IFIT1: variants seen among roughly 807,000 people sequenced by gnomAD.
IFIT1 encodes interferon induced protein with tetratricopeptide repeats 1.
Under a neutral mutation model 2.5 loss-of-function variants are expected in IFIT1, and 1 was observed. That is an observed-to-expected ratio of 0.40 (90% confidence interval 0.14 to 1.92). The LOEUF is 1.92. Among genes scored for constraint, IFIT1 ranks in the 40% most tolerant of loss-of-function variants. The pLI, the probability that IFIT1 is intolerant of heterozygous loss-of-function variation, is 0.31. For missense variants in IFIT1, 508 were observed against 557.8 expected (o/e 0.91, Z 0.90); for synonymous variants, 191 against 201.7 (o/e 0.95, Z 0.45).
chr10:89,405,775 A>G lies in IFIT1; in HGVS notation c.*2063A>G, dbSNP rs1564813063. 1 of 152,242 alleles carries G rather than the reference A, an allele frequency of 6.6e-6. No individual in the cohort carries two copies. Among genetic ancestry groups the G allele is most frequent in the Admixed American group, 6.5e-5 (1 of 15,284 alleles). The allele number at this position is 152,242 out of a possible 1,614,324, so 9.4% of individuals were successfully genotyped here. Reference sequence around the variant, plus strand: ...CTAAGGACGCACCAGGTCCACCTGCATAATCCAGAATAATTGCCCCATCCG... The same window carrying G: ...CTAAGGACGCACCAGGTCCACCTGCGTAATCCAGAATAATTGCCCCATCCG... On this transcript the variant is annotated 3_prime_UTR_variant, in exon 2 of 2. Coordinates refer to ENST00000371804, the MANE Select transcript of IFIT1 (RefSeq NM_001548.5).
chr10:89,396,939 T>G (rs578006136), intron 1 of IFIT1, among the ~76,000 whole-genome samples: 1 of 152,350 alleles, frequency 6.6e-6, no homozygotes, highest in African/African-American at 2.4e-5. Flanking sequence ...ATCTTTTTGT[T>G]GATGAGCTGT....
At position 89,404,026 on chromosome 10, in the gene IFIT1, A is replaced by G; in HGVS notation, c.*314A>G. The stretch of plus-strand genomic sequence containing the variant: ...TCATTTTATTGTGAAATAAAAATAA[A>G]ATCCTTAGCTCCTCCACCAACTGAA... On this transcript the variant is annotated 3_prime_UTR_variant, in exon 2 of 2. Transcript: ENST00000371804. 1 of 205,392 alleles carries G rather than the reference A, an allele frequency of 4.9e-6. No individual in the cohort carries two copies. Among genetic ancestry groups the G allele is most frequent in the South Asian group, 1.4e-4 (1 of 7,048 alleles). The allele number at this position is 205,392 out of a possible 1,614,324, so 12.7% of individuals were successfully genotyped here.
In IFIT1 at chr10:89,403,721, A is replaced by G; in HGVS notation, c.*9A>G. On this transcript the variant is annotated 3_prime_UTR_variant, in exon 2 of 2. Transcript: ENST00000371804. The stretch of plus-strand genomic sequence containing the variant: ...TGAGACAAGGTCCTTAGGCACCCAG[A>G]TATCAGCCACTTTCACATTTCATTT... The G allele has an allele frequency of 7.0e-7, 1 of 1,431,068 alleles. No individual in the cohort carries two copies. The highest frequency in any genetic ancestry group is 9.6e-7 in the Non-Finnish European group (1 of 1,044,946). The allele number at this position is 1,431,068 out of a possible 1,614,324, so 88.6% of individuals were successfully genotyped here.
At position 89,402,298 on chromosome 10, in the gene IFIT1, A is replaced by T. The variant is rs1162893593; in HGVS notation, c.23A>T (p.His8Leu). 7 of 1,609,930 alleles carry T rather than the reference A, an allele frequency of 4.3e-6. No individual in the cohort carries two copies. In the East Asian group the frequency reaches 1.6e-4, roughly 36 times the overall value. Residue 8 changes from histidine (H) to leucine (L), a missense_variant, in exon 2 of 2, where the codon CAT (histidine) becomes CTT (leucine). His to Leu is a moderately conservative substitution (Grantham distance 99). Coordinates refer to ENST00000371804, the MANE Select transcript of IFIT1 (RefSeq NM_001548.5). MSTNGDD[H>L]QVKDSLEQLR... ...TTTTACAGTACAAATGGTGATGATC[A>T]TCAGGTCAAGGATAGTCTGGAGCAA...
At chr10:89,394,596 A>ATTT (rs1277183612) in intron 1 of IFIT1, among the ~76,000 whole-genome samples, 3 of 15,496 alleles carry the variant, frequency 1.9e-4, no homozygotes, top group African/African-American at 1.2e-3. Flanking sequence ...ATATATATAT[A>ATTT]TATATATATA....
rs1844446204 is a variant in IFIT1 at position 89,402,550 on chromosome 10, T to A, written c.275T>A (p.Val92Glu). 1 of 1,613,952 alleles carries A rather than the reference T, an allele frequency of 6.2e-7. No individual in the cohort carries two copies. Among genetic ancestry groups the A allele is most frequent in the Non-Finnish European group, 8.5e-7 (1 of 1,179,954 alleles). ...MQEEHDNQANVRSLVTWGNFA... is the reference protein window; with the variant it reads ...MQEEHDNQANERSLVTWGNFA... ...GAAGAACATGACAACCAAGCAAATG[T>A]GAGGAGTCTGGTGACCTGGGGCAAC... The change falls in exon 2 of 2, where the codon GTG (valine) becomes GAG (glutamate). Residue 92 changes from valine (V) to glutamate (E), a missense_variant. Transcript: ENST00000371804.
chr10:89,400,576 T>C (rs1205503889), intron 1 of IFIT1, among the ~76,000 whole-genome samples: 2 of 152,212 alleles, frequency 1.3e-5, no homozygotes, highest in Non-Finnish European at 2.9e-5. Context: ...TTTTGGGATT[T>C]TTAAATTGTT....
chr10:89,404,143 TC>T lies in IFIT1; in HGVS notation c.*434del, dbSNP rs1335150810. ...AGAGATCATTCACACCTCATTATAT[TC>T]CCTCCCTTGCTAACTGCCATTGGAC... On this transcript the variant is annotated 3_prime_UTR_variant, in exon 2 of 2. Transcript: ENST00000371804. 1 of 153,470 alleles carries T rather than the reference TC, an allele frequency of 6.5e-6. No homozygotes were observed. Among genetic ancestry groups the T allele is most frequent in the Non-Finnish European group, 1.4e-5 (1 of 69,050 alleles). The allele number at this position is 153,470 out of a possible 1,614,324, so 9.5% of individuals were successfully genotyped here.
Position 89,399,013 on chromosome 10 carries a change from G to A in IFIT1, c.6-3268G>A, listed in dbSNP as rs11203110. Reference sequence around the variant, plus strand: ...CCTACTAGCAGTGCACATTTCTCTAGATTCTCACCAATAATTGTTATATCC... The same window carrying A: ...CCTACTAGCAGTGCACATTTCTCTAAATTCTCACCAATAATTGTTATATCC... On this transcript the variant is annotated intron_variant, in intron 1 of 1. Coordinates refer to ENST00000371804, the MANE Select transcript of IFIT1 (RefSeq NM_001548.5). Among the ~76,000 whole-genome samples, 1,431 of 151,338 alleles carry A rather than the reference G, an allele frequency of 9.5e-3. 16 individuals are homozygous for A. Among genetic ancestry groups the A allele is most frequent in the Middle Eastern group, 0.021 (6 of 292 alleles).
chr10:89,399,156 G>A (rs1345864996), intron 1 of IFIT1, among the ~76,000 whole-genome samples: 4 of 151,836 alleles, frequency 2.6e-5, no homozygotes, highest in Non-Finnish European at 5.9e-5. Flanking sequence ...ATGTTTATTG[G>A]CCATTTGTAT....
chr10:89,403,653 T>A lies in IFIT1; in HGVS notation c.1378T>A (p.Tyr460Asn). ...EGNMNEALEY[Y>N]ERALRLAADF... is the part of the protein sequence containing the mutation. ...AAATATGAATGAAGCCCTGGAGTAC[T>A]ATGAGCGGGCCCTGAGACTGGCTGC... Residue 460 changes from tyrosine to asparagine, a missense_variant, in exon 2 of 2, where the codon TAT becomes AAT. Transcript: ENST00000371804. 1 of 1,613,084 alleles carries A rather than the reference T, an allele frequency of 6.2e-7. No homozygotes were observed. The highest frequency in any genetic ancestry group is 8.5e-7 in the Non-Finnish European group (1 of 1,179,720).
intron 1 of IFIT1, among the ~76,000 whole-genome samples, chr10:89,397,778 A>G (rs1317354955): frequency 6.6e-6 from 1 of 152,206 alleles, no homozygotes; most frequent in African/African-American, 2.4e-5. Flanking sequence ...CCAATTTACA[A>G]AAACACTTTG....
intron 1 of IFIT1, among the ~76,000 whole-genome samples, chr10:89,397,070 G>GAT (rs1157418529): frequency 6.6e-6 from 1 of 152,018 alleles, no homozygotes; most frequent in East Asian, 1.9e-4. Context: ...CACTTTTCTT[G>GAT]ATATATATGA....
At chr10:89,400,364 G>A (rs918664280) in intron 1 of IFIT1, among the ~76,000 whole-genome samples, 3 of 152,072 alleles carry the variant, frequency 2.0e-5, no homozygotes, top group African/African-American at 4.8e-5. Context: ...GATCACTTTG[G>A]GTAGTATTGA....
intron 1 of IFIT1, among the ~76,000 whole-genome samples, chr10:89,399,997 G>A (rs80030105): frequency 0.012 from 1,794 of 152,258 alleles, 18 homozygotes; most frequent in Non-Finnish European, 0.02. Flanking sequence ...TTCTAGCCTC[G>A]AGAACTGTAA....
At chr10:89,392,768 T>C in intron 1 of IFIT1, 51 bp downstream of exon 1, 1 of 1,592,596 alleles carries the variant, frequency 6.3e-7, no homozygotes, top group Non-Finnish European at 8.6e-7. Flanking sequence ...TTTGAAAAAA[T>C]GGTAATTAAA....
At chr10:89,395,302 G>T (rs1390733300) in intron 1 of IFIT1, among the ~76,000 whole-genome samples, 2 of 151,608 alleles carry the variant, frequency 1.3e-5, no homozygotes, top group Non-Finnish European at 2.9e-5. Context: ...CTCTCCACAG[G>T]AAACCCACCT....
At chr10:89,399,422 G>T (rs1027633564) in intron 1 of IFIT1, among the ~76,000 whole-genome samples, 3 of 151,998 alleles carry the variant, frequency 2.0e-5, no homozygotes. Context: ...TGTGATTTTG[G>T]TATCATATCT....
intron 1 of IFIT1, among the ~76,000 whole-genome samples, chr10:89,393,512 C>T (rs1468869181): frequency 6.6e-6 from 1 of 152,184 alleles, no homozygotes; most frequent in Admixed American, 6.5e-5. Flanking sequence ...GTGAGCAGAT[C>T]GCCTGAGGTC....
Sources: gnomAD v4.1 joint callset for allele counts (sites outside exome capture counted in the v4.1 genomes callset) on GRCh38, gnomAD v4.1.1 for gene constraint, MANE v1.5 for transcripts, NCBI Gene and HGNC (gene_info 2026-07-23, HGNC 2026-07-21) for gene names.